The following MARCHF1 variants were observed in gnomAD, a reference collection of about 807,000 sequenced individuals.
MARCHF1 encodes the protein membrane associated ring-CH-type finger 1, also known as E3 ubiquitin-protein ligase MARCHF1.
Under a neutral mutation model 54.2 loss-of-function variants are expected in MARCHF1, and 40 were observed. That is an observed-to-expected ratio of 0.74 (90% CI 0.57 to 0.96). The LOEUF is 0.96. Among genes scored for constraint, MARCHF1 ranks in the 40% least tolerant of loss-of-function variants. The probability of loss-of-function intolerance (pLI) is 0.00; values close to 1 mark genes in which losing one functional copy is unlikely to be tolerated. For synonymous variants in MARCHF1, 236 were observed against 236.3 expected, an observed-to-expected ratio of 1.00 and a Z score of 0.01; for missense variants, 586 against 656.5, an observed-to-expected ratio of 0.89 and a Z score of 1.17.
chr4:164,010,367 G>C (rs1753395971), intron 2 of MARCHF1, among the ~76,000 whole-genome samples: 1 of 151,810 alleles, frequency 6.6e-6, no homozygotes, highest in Non-Finnish European at 1.5e-5. Flanking sequence ...AAAGTGCTGG[G>C]ATTACAGGAG....
At chr4:163,995,199 T>G (rs1753050505) in intron 2 of MARCHF1, among the ~76,000 whole-genome samples, 1 of 152,078 alleles carries the variant, frequency 6.6e-6, no homozygotes. Flanking sequence ...TCAATGAGTT[T>G]GCTAGAGAGG....
At chr4:163,717,515 A>G (rs1330830388) in intron 4 of MARCHF1, among the ~76,000 whole-genome samples, 3 of 152,136 alleles carry the variant, frequency 2.0e-5, no homozygotes, top group African/African-American at 7.2e-5. Flanking sequence ...TATACGCAGT[A>G]ATGGGATGGC....
chr4:164,209,256 T>C (rs1579625229), intron 1 of MARCHF1, among the ~76,000 whole-genome samples: 1 of 152,262 alleles, frequency 6.6e-6, no homozygotes, highest in Non-Finnish European at 1.5e-5. Context: ...CTCCAAATAG[T>C]AATTCAGGAA....
intron 2 of MARCHF1, among the ~76,000 whole-genome samples, chr4:164,014,858 G>A (rs577596416): frequency 6.4e-4 from 97 of 152,246 alleles, no homozygotes; most frequent in Non-Finnish European, 1.1e-3. Context: ...TGTATCCAAT[G>A]CTGGAGCACT....
chr4:164,249,085 A>T (rs1733047545), intron 1 of MARCHF1, among the ~76,000 whole-genome samples: 1 of 152,120 alleles, frequency 6.6e-6, no homozygotes, highest in South Asian at 2.1e-4. Flanking sequence ...TTCAACAAAT[A>T]GTTATAAAGT....
At chr4:163,760,302 T>C (rs1746792947) in intron 4 of MARCHF1, among the ~76,000 whole-genome samples, 1 of 152,224 alleles carries the variant, frequency 6.6e-6, no homozygotes, top group Non-Finnish European at 1.5e-5. Context: ...AGATTATCCA[T>C]AACAATCTCC....
intron 1 of MARCHF1, among the ~76,000 whole-genome samples, chr4:164,296,299 T>G (rs1434623011): frequency 6.6e-6 from 1 of 152,192 alleles, no homozygotes; most frequent in Non-Finnish European, 1.5e-5. Context: ...AGCTGTTAAT[T>G]TTTTTAACTC....
chr4:164,026,066 TTAATCAGTAATAAAAAG>T (rs1753760148), intron 2 of MARCHF1, among the ~76,000 whole-genome samples: 1 of 151,882 alleles, frequency 6.6e-6, no homozygotes, highest in African/African-American at 2.4e-5. Context: ...TCCCAGAAAT[TTAATCAGTAATAAAAAG>T]AAACCTGATA....
Position 163,528,379 on chromosome 4 carries a change from G to A in MARCHF1, c.*369C>T, listed in dbSNP as rs537345840. 2.6e-5 allele frequency: 5 copies of A among 190,804 alleles called. No individual in the cohort carries two copies. The highest frequency in any genetic ancestry group is 2.8e-4 in the East Asian group (2 of 7,230). The allele number at this position is 190,804 out of a possible 1,614,324, so 11.8% of individuals were successfully genotyped here. A position where few individuals can be genotyped will look rare whatever the true frequency, so the allele number is the denominator to read the frequency against. On this transcript the variant is annotated 3_prime_UTR_variant, in exon 10 of 10. Coordinates refer to ENST00000514618, the MANE Select transcript of MARCHF1 (RefSeq NM_001394959.1). The stretch of plus-strand genomic sequence containing the variant: ...CAAGGCCCTAGAAGTAATACACATC[G>A]CAATTCAAGTCTGTATTCTTGAACT...
At chr4:163,576,638 G>A (rs146386912) in intron 8 of MARCHF1, among the ~76,000 whole-genome samples, 1,928 of 152,094 alleles carry the variant, frequency 0.013, 41 homozygotes, top group African/African-American at 0.044. Context: ...TCAGTGGGGT[G>A]TTGCCCACTG....
At chr4:163,985,529 T>A (rs1752846062) in intron 3 of MARCHF1, among the ~76,000 whole-genome samples, 1 of 152,168 alleles carries the variant, frequency 6.6e-6, no homozygotes, top group African/African-American at 2.4e-5. Context: ...TGTTAAAAAA[T>A]CAACAAAAGA....
intron 2 of MARCHF1, among the ~76,000 whole-genome samples, chr4:164,075,627 T>C (rs1346659222): frequency 2.0e-5 from 3 of 152,254 alleles, no homozygotes; most frequent in African/African-American, 7.2e-5. Context: ...TGGTAACAGA[T>C]AACTGATACG....
intron 7 of MARCHF1, among the ~76,000 whole-genome samples, chr4:163,601,140 A>T (rs1740950584): frequency 2.0e-5 from 3 of 152,198 alleles, no homozygotes; most frequent in Admixed American, 2.0e-4. Flanking sequence ...ATTTGAAATA[A>T]ATATACAACT....
chr4:163,840,448 T>C (rs2111128209), intron 4 of MARCHF1, among the ~76,000 whole-genome samples: 1 of 152,226 alleles, frequency 6.6e-6, no homozygotes, highest in East Asian at 1.9e-4. Flanking sequence ...CATGGGTATA[T>C]TGTGTGATGC....
Position 164,053,218 on chromosome 4 carries a change from A to T in MARCHF1, c.-248+58370T>A, listed in dbSNP as rs114406220. 6.3e-3 allele frequency among the ~76,000 whole-genome samples: 961 copies of T among 152,336 alleles called. 16 individuals are homozygous for T. Among genetic ancestry groups the T allele is most frequent in the African/African-American group, 0.021 (884 of 41,574 alleles). ...GGAAAGTTTACTTGAATGCATAAAA[A>T]TTAGGTATCCTGAAGTTTTTTTTTA... On this transcript the variant is annotated intron_variant, in intron 2 of 9. Coordinates refer to ENST00000514618, the MANE Select transcript of MARCHF1 (RefSeq NM_001394959.1).
chr4:164,275,525 T>A (rs1207037495), intron 1 of MARCHF1, among the ~76,000 whole-genome samples: 11 of 152,362 alleles, frequency 7.2e-5, no homozygotes, highest in Non-Finnish European at 1.6e-4. Flanking sequence ...AAACAACGTT[T>A]GGATAATTTT....
At chr4:163,799,326 T>C (rs1205255789) in intron 4 of MARCHF1, among the ~76,000 whole-genome samples, 1 of 152,132 alleles carries the variant, frequency 6.6e-6, no homozygotes, top group African/African-American at 2.4e-5. Flanking sequence ...AGGTATTGTA[T>C]CTAGATGTTC....
chr4:163,846,281 A>G (rs1487260527), intron 4 of MARCHF1, among the ~76,000 whole-genome samples: 1 of 152,214 alleles, frequency 6.6e-6, no homozygotes, highest in Non-Finnish European at 1.5e-5. Context: ...CTCAGAGACT[A>G]AAAGAAATAA....
chr4:163,804,541 A>C (rs1748172498), intron 4 of MARCHF1, among the ~76,000 whole-genome samples: 1 of 152,218 alleles, frequency 6.6e-6, no homozygotes, highest in Non-Finnish European at 1.5e-5. Context: ...ATCTGGAAGA[A>C]GACTCAGTGG....
Sources: gnomAD v4.1 joint callset for allele counts (sites outside exome capture counted in the v4.1 genomes callset) on GRCh38, gnomAD v4.1.1 for gene constraint, MANE v1.5 for transcripts, NCBI Gene and HGNC (gene_info 2026-07-23, HGNC 2026-07-21) for gene names.